The following WWP1 variants were observed in gnomAD, a reference collection of about 807,000 sequenced individuals.
The protein encoded by WWP1 is NEDD4-like E3 ubiquitin-protein ligase WWP1.
WWP1 carries 49 observed loss-of-function variants against 130.6 expected under a neutral mutation model. The observed-to-expected ratio is 0.38, with a 90% CI of 0.30 to 0.48. WWP1 has a LOEUF of 0.48. WWP1 is among the 20% of genes least tolerant of loss of function. WWP1 has a pLI of 0.99. For synonymous variants in WWP1, 332 were observed against 367.8 expected (o/e 0.90, Z 1.11); for missense variants, 809 against 1,100.6 (o/e 0.74, Z 3.75).
At chr8:86,419,146 G>A (rs188485411) in intron 9 of WWP1, among the ~76,000 whole-genome samples, 7 of 152,280 alleles carry the variant, frequency 4.6e-5, no homozygotes, top group African/African-American at 1.2e-4. Context: ...AGGGCTGGGC[G>A]CGGTGGCTCC....
chr8:86,349,265 C>T (rs904465872), intron 1 of WWP1, among the ~76,000 whole-genome samples: 41 of 152,236 alleles, frequency 2.7e-4, no homozygotes, highest in African/African-American at 7.0e-4. Context: ...GTGATCTGTC[C>T]GCCTCGGCCT....
At chr8:86,343,891 T>A (rs1822400496) in intron 1 of WWP1, among the ~76,000 whole-genome samples, 1 of 152,214 alleles carries the variant, frequency 6.6e-6, no homozygotes, top group Admixed American at 6.5e-5. Context: ...AAAAAAATCA[T>A]GTCCAAAATT....
At chr8:86,440,743 A>G (rs1002056774) in intron 17 of WWP1, 1 of 443,268 alleles carries the variant, frequency 2.3e-6, no homozygotes, top group African/African-American at 2.0e-5. Flanking sequence ...GGTATGTGGA[A>G]TCTCCTTTGT....
At chr8:86,355,041 G>A (rs888409013) in intron 1 of WWP1, among the ~76,000 whole-genome samples, 7 of 152,138 alleles carry the variant, frequency 4.6e-5, no homozygotes, top group Admixed American at 4.6e-4. Context: ...CACAAATAGA[G>A]TTGAAGTTTG....
chr8:86,414,247 G>A (rs201195618), intron 9 of WWP1, among the ~76,000 whole-genome samples: 1 of 149,306 alleles, frequency 6.7e-6, no homozygotes, highest in Admixed American at 6.7e-5. Flanking sequence ...GTGTGTGTGT[G>A]TATGTGTGTG....
At chr8:86,351,873 A>T (rs1822949609) in intron 1 of WWP1, among the ~76,000 whole-genome samples, 1 of 152,014 alleles carries the variant, frequency 6.6e-6, no homozygotes, top group Non-Finnish European at 1.5e-5. Context: ...GAGATCTCTG[A>T]TATGGTCCTT....
intron 1 of WWP1, among the ~76,000 whole-genome samples, chr8:86,360,649 A>G (rs1823537605): frequency 6.6e-6 from 1 of 152,178 alleles, no homozygotes; most frequent in South Asian, 2.1e-4. Flanking sequence ...GTAACTATTA[A>G]TTGGGGGCCT....
intron 2 of WWP1, among the ~76,000 whole-genome samples, chr8:86,370,607 A>G (rs1824230029): frequency 6.6e-6 from 1 of 152,150 alleles, no homozygotes; most frequent in Non-Finnish European, 1.5e-5. Context: ...CAATCATGGA[A>G]TCATGGTGTT....
At chr8:86,369,190 TAGAC>T (rs1230457100) in intron 2 of WWP1, among the ~76,000 whole-genome samples, 159 bp downstream of exon 2, 5 of 152,192 alleles carry the variant, frequency 3.3e-5, no homozygotes, top group East Asian at 1.9e-4. Context: ...ATCTCTAAGA[TAGAC>T]AGAGTGCCTC....
chr8:86,441,213 AAC>A (rs1263802780), intron 17 of WWP1, among the ~76,000 whole-genome samples: 1 of 152,206 alleles, frequency 6.6e-6, no homozygotes, highest in Non-Finnish European at 1.5e-5. Context: ...TATGTGTCTA[AAC>A]ACACTCTCAC....
intron 8 of WWP1, among the ~76,000 whole-genome samples, chr8:86,404,103 A>G (rs1481734210): frequency 3.9e-5 from 6 of 152,218 alleles, no homozygotes; most frequent in Admixed American, 6.5e-5. Flanking sequence ...TTGAGCATTG[A>G]CATGATGCTG....
At chr8:86,461,913 A>G in intron 24 of WWP1, 67 bp downstream of exon 24, 1 of 1,329,546 alleles carries the variant, frequency 7.5e-7, no homozygotes, top group Non-Finnish European at 1.1e-6. Context: ...TTTTTTTAAA[A>G]ATATGTAAGA....
At chr8:86,444,216 T>G (rs1810742081) in intron 18 of WWP1, among the ~76,000 whole-genome samples, 1 of 152,130 alleles carries the variant, frequency 6.6e-6, no homozygotes, top group Non-Finnish European at 1.5e-5. Context: ...TCTGACAGAT[T>G]AGATGCAGGG....
chr8:86,369,521 T>C (rs1824164248), intron 2 of WWP1, among the ~76,000 whole-genome samples: 1 of 152,062 alleles, frequency 6.6e-6, no homozygotes, highest in African/African-American at 2.4e-5. Context: ...ACAGAGAAAG[T>C]TTCATGTAGT....
chr8:86,423,869 TC>T (rs1227803997), intron 9 of WWP1, among the ~76,000 whole-genome samples: 2 of 121,018 alleles, frequency 1.7e-5, no homozygotes, highest in Non-Finnish European at 3.5e-5. Context: ...CCCACCTCCC[TC>T]CCGGACGGGG....
intron 8 of WWP1, among the ~76,000 whole-genome samples, chr8:86,408,403 G>GT (rs1438374735): frequency 1.3e-5 from 2 of 152,128 alleles, no homozygotes; most frequent in Non-Finnish European, 2.9e-5. Flanking sequence ...TTTAAAGTAT[G>GT]TTTACTTTTG....
chr8:86,422,975 T>C (rs1809312972), intron 9 of WWP1, among the ~76,000 whole-genome samples: 2 of 151,938 alleles, frequency 1.3e-5, no homozygotes, highest in African/African-American at 4.8e-5. Context: ...ATCTTTTAGA[T>C]GGGTACTTTT....
chr8:86,437,925 G>T (rs766679686), intron 16 of WWP1, among the ~76,000 whole-genome samples: 1 of 151,986 alleles, frequency 6.6e-6, no homozygotes, highest in Non-Finnish European at 1.5e-5. Context: ...TTAGCCTCCC[G>T]AATAGCTGGG....
rs112605240 is a variant in WWP1 at position 86,384,371 on chromosome 8, G to A, written c.334+2742G>A. On this transcript the variant is annotated intron_variant, in intron 5 of 24. Transcript: ENST00000517970. ...ACATTTATGGGTATTAGTTTTAGTCGTTCATTTTATAGACAAATGAGTAAA... is the reference window on the plus strand; with the variant it reads ...ACATTTATGGGTATTAGTTTTAGTCATTCATTTTATAGACAAATGAGTAAA... Among the ~76,000 whole-genome samples, 379 of 152,058 alleles carry A rather than the reference G, an allele frequency of 2.5e-3. 1 individual carries two copies. The highest frequency in any genetic ancestry group is 8.6e-3 in the African/African-American group (358 of 41,462).
Sources: allele counts gnomAD v4.1 joint callset (sites outside exome capture counted in the v4.1 genomes callset), GRCh38; gene constraint gnomAD v4.1.1; transcripts MANE v1.5; gene names NCBI Gene and HGNC (gene_info 2026-07-23, HGNC 2026-07-21).